Variants in AGAP1 observed in about 807,000 individuals in gnomAD.
AGAP1 encodes the protein arf-GAP with GTPase, ANK repeat and PH domain-containing protein 1.
In AGAP1, 29 loss-of-function variants were observed where a neutral mutation model predicts 105.3. The ratio of observed to expected loss-of-function variants is 0.28; its 90% confidence interval spans 0.21 to 0.38. The LOEUF (loss-of-function observed/expected upper bound fraction) is 0.38. Ranked by LOEUF, AGAP1 falls within the 10% of genes least tolerant of loss-of-function variation. AGAP1 has a pLI of 1.00. For missense variants in AGAP1, 998 were observed against 1,165.1 expected (o/e 0.86, Z 2.09); for synonymous variants, 509 against 485.9 (o/e 1.05, Z -0.63).
rs1048742631 is a variant in AGAP1 at position 235,725,221 on chromosome 2, A to G, written c.310+7577A>G. ...GGGGTTAGCCTTGCCACCCTCCTTC[A>G]GGACTGCCTAGAATTGTTTCCTGTC... On this transcript the variant is annotated intron_variant, in intron 3 of 17. Transcript: ENST00000304032. The surrounding 1 kb of genome is among the most constrained non-coding windows in gnomAD (Gnocchi z 5.7). Among the ~76,000 whole-genome samples, 3 of 152,184 alleles carry G rather than the reference A, an allele frequency of 2.0e-5. No homozygotes were observed. The highest frequency in any genetic ancestry group is 2.0e-4 in the Admixed American group (3 of 15,276).
Position 235,660,861 on chromosome 2 carries a change from G to A in AGAP1, c.164-48318G>A, listed in dbSNP as rs1947925369. Among the ~76,000 whole-genome samples, 1 of 152,198 alleles carries A rather than the reference G, an allele frequency of 6.6e-6. No homozygotes were observed. The highest frequency in any genetic ancestry group is 2.1e-4 in the South Asian group (1 of 4,826). Reference sequence around the variant, plus strand: ...TTTGCAGAAATGAAAACCTGATGCAGAGCCTCAAGGTCACTTTCCCAAGGT... The same window carrying A: ...TTTGCAGAAATGAAAACCTGATGCAAAGCCTCAAGGTCACTTTCCCAAGGT... On this transcript the variant is annotated intron_variant, in intron 1 of 17. Coordinates refer to ENST00000304032, the MANE Select transcript of AGAP1 (RefSeq NM_001037131.3). This position sits in a 1 kb window ranked among gnomAD's most constrained non-coding sequence, Gnocchi z 5.3.
At chr2:236,075,949 T>G (rs980320275) in intron 16 of AGAP1, among the ~76,000 whole-genome samples, 3 of 152,190 alleles carry the variant, frequency 2.0e-5, no homozygotes, top group Non-Finnish European at 4.4e-5. Context: ...GCAGGGGCCA[T>G]GCTGCAGAGG....
chr2:235,996,540 C>T (rs982666511), intron 13 of AGAP1, among the ~76,000 whole-genome samples: 4 of 152,192 alleles, frequency 2.6e-5, no homozygotes, highest in Non-Finnish European at 5.9e-5. Context: ...AGTGTTATTC[C>T]TTCCTGCACC....
chr2:235,565,250 C>A (rs1398436936), intron 1 of AGAP1, among the ~76,000 whole-genome samples: 1 of 152,126 alleles, frequency 6.6e-6, no homozygotes, highest in African/African-American at 2.4e-5. Context: ...CAGGTGTGAG[C>A]CAGGAGCATC....
In AGAP1 at chr2:236,055,191, G is replaced by A. The variant is rs987806321; in HGVS notation, c.2114+5910G>A. 1.3e-5 allele frequency among the ~76,000 whole-genome samples: 2 copies of A among 152,130 alleles called. No individual in the cohort carries two copies. The highest frequency in any genetic ancestry group is 4.8e-5 in the African/African-American group (2 of 41,418). On this transcript the variant is annotated intron_variant, in intron 16 of 17. Transcript: ENST00000304032. The surrounding 1 kb of genome is among the most constrained non-coding windows in gnomAD (Gnocchi z 6.2). ...CCGGATGCAGAGGGTTCAGGGAGCT[G>A]GGGGCTCGTTTGGAGTTTTAATCAG...
chr2:236,061,181 G>A lies in AGAP1; in HGVS notation c.2114+11900G>A, dbSNP rs75306895. 9.3e-4 allele frequency among the ~76,000 whole-genome samples: 142 copies of A among 152,314 alleles called. 1 individual carries two copies. The highest frequency in any genetic ancestry group is 4.8e-3 in the Admixed American group (73 of 15,298). On this transcript the variant is annotated intron_variant, in intron 16 of 17. Transcript: ENST00000304032. The surrounding 1 kb of genome is among the most constrained non-coding windows in gnomAD (Gnocchi z 4.1). ...ATGCCTAATGTCATTACTTTTTAGG[G>A]AAATGCAGATCACCCTTGAGCCCCC...
intron 9 of AGAP1, among the ~76,000 whole-genome samples, chr2:235,840,741 G>A (rs1363016783): frequency 2.0e-5 from 3 of 150,786 alleles, no homozygotes; most frequent in African/African-American, 4.9e-5. Context: ...AGGTTGATTC[G>A]ATGTGGAGGA....
intron 1 of AGAP1, among the ~76,000 whole-genome samples, chr2:235,652,495 G>A (rs1385418785): frequency 6.6e-6 from 1 of 152,158 alleles, no homozygotes; most frequent in Non-Finnish European, 1.5e-5. Flanking sequence ...CTATCTGTCT[G>A]GGGGTGGAGA....
chr2:236,066,802 C>G (rs1291131158), intron 16 of AGAP1, among the ~76,000 whole-genome samples: 1 of 152,168 alleles, frequency 6.6e-6, no homozygotes, highest in Non-Finnish European at 1.5e-5. Flanking sequence ...TGTCCCCCCT[C>G]CTGTTTATTC....
Position 236,069,964 on chromosome 2 carries a change from T to G in AGAP1, c.2114+20683T>G, listed in dbSNP as rs568318433. Among the ~76,000 whole-genome samples the G allele has an allele frequency of 3.3e-5, 5 of 152,382 alleles. No homozygotes were observed. In the East Asian group the frequency reaches 7.7e-4, roughly 24 times the overall value. On this transcript the variant is annotated intron_variant, in intron 16 of 17. Transcript: ENST00000304032. ...GAGGGCCGGGAATGTGTCATTGACA[T>G]GAATGGCATGGCTTGCCTTTCACCC...
chr2:235,503,051 A>G (rs953641023), intron 1 of AGAP1, among the ~76,000 whole-genome samples: 1 of 152,212 alleles, frequency 6.6e-6, no homozygotes, highest in African/African-American at 2.4e-5. Context: ...ACCTGCAACA[A>G]ATAGCCACAA....
chr2:235,750,525 T>A lies in AGAP1; in HGVS notation c.673+37T>A, dbSNP rs201118697. 4.3e-5 allele frequency: 70 copies of A among 1,612,170 alleles called. No homozygotes were observed. The highest frequency in any genetic ancestry group is 5.5e-5 in the Non-Finnish European group (65 of 1,178,422). On this transcript the variant is annotated intron_variant, in intron 6 of 17. Transcript: ENST00000304032. The surrounding 1 kb of genome is among the most constrained non-coding windows in gnomAD (Gnocchi z 5.3). ...TGGCTGGGAGTTTAATTTCAGTTCA[T>A]GATAGACGGGAGGCACTTCAAGAAG...
intron 1 of AGAP1, among the ~76,000 whole-genome samples, chr2:235,640,190 G>C (rs1947143729): frequency 6.6e-6 from 1 of 152,238 alleles, no homozygotes; most frequent in Admixed American, 6.5e-5. Flanking sequence ...TTCCCAGATA[G>C]AGAAGGACAG....
chr2:235,661,031 G>T (rs1330465701), intron 1 of AGAP1, among the ~76,000 whole-genome samples: 3 of 152,112 alleles, frequency 2.0e-5, no homozygotes, highest in East Asian at 1.9e-4. Flanking sequence ...CTCACTGAGG[G>T]CTCCGAACAG....
rs753221365 is a variant in AGAP1 at position 235,883,308 on chromosome 2, A to T, written c.1051-37A>T. Reference sequence around the variant, plus strand: ...TACCTGCCTTTTCTTTTTTTTATTTACATTAGAATTTCTATTTGGCTCTTT... The same window carrying T: ...TACCTGCCTTTTCTTTTTTTTATTTTCATTAGAATTTCTATTTGGCTCTTT... On this transcript the variant is annotated intron_variant, in intron 9 of 17. Transcript: ENST00000304032. This position sits in a 1 kb window ranked among gnomAD's most constrained non-coding sequence, Gnocchi z 4.5. 1.3e-6 allele frequency: 2 copies of T among 1,581,660 alleles called. No homozygotes were observed. Among genetic ancestry groups the T allele is most frequent in the Admixed American group, 1.7e-5 (1 of 58,114 alleles).
At chr2:235,514,239 C>T (rs151270185) in intron 1 of AGAP1, among the ~76,000 whole-genome samples, 35 of 152,370 alleles carry the variant, frequency 2.3e-4, no homozygotes, top group African/African-American at 8.4e-4. Context: ...GCTGGGTTAA[C>T]CCATAAATAG....
chr2:235,569,324 G>C lies in AGAP1; in HGVS notation c.163+74475G>C, dbSNP rs1464726521. Among the ~76,000 whole-genome samples the C allele has an allele frequency of 6.6e-6, 1 of 152,070 alleles. No homozygotes were observed. Among genetic ancestry groups the C allele is most frequent in the Non-Finnish European group, 1.5e-5 (1 of 68,002 alleles). ...AGCGAGACACCATCTCAAAAAAAAG[G>C]ATCTTGGAGGAAGTACATGACCCCG... On this transcript the variant is annotated intron_variant, in intron 1 of 17. Transcript: ENST00000304032. The surrounding 1 kb of genome is among the most constrained non-coding windows in gnomAD (Gnocchi z 5.9).
chr2:235,504,701 G>A (rs1055264995), intron 1 of AGAP1, among the ~76,000 whole-genome samples: 1 of 152,158 alleles, frequency 6.6e-6, no homozygotes, highest in East Asian at 1.9e-4. Flanking sequence ...CAGCCCAGCA[G>A]CCCCTATCTG....
intron 1 of AGAP1, among the ~76,000 whole-genome samples, chr2:235,646,007 T>C (rs1190713138): frequency 2.0e-5 from 3 of 152,136 alleles, no homozygotes; most frequent in Non-Finnish European, 4.4e-5. Context: ...GCGGGCGCAG[T>C]GGTTCACACT....
Sources: gnomAD v4.1 joint callset for allele counts (sites outside exome capture counted in the v4.1 genomes callset) on GRCh38, gnomAD v4.1.1 for gene constraint, Gnocchi (gnomAD v3.1) non-coding constraint, MANE v1.5 for transcripts, NCBI Gene and HGNC (gene_info 2026-07-23, HGNC 2026-07-21) for gene names.